The following CCDC102B variants were observed in gnomAD, a reference collection of about 807,000 sequenced individuals.
CCDC102B encodes coiled-coil domain-containing protein 102B.
CCDC102B carries 75 observed loss-of-function variants against 57.4 expected under a neutral mutation model. That is an observed-to-expected ratio of 1.31 (90% confidence interval 1.08 to 1.58). The LOEUF is 1.58. CCDC102B is among the 40% of genes most tolerant of loss of function. The pLI, the probability that CCDC102B is intolerant of heterozygous loss-of-function variation, is 0.00. For missense variants in CCDC102B, 636 were observed against 582.6 expected, an observed-to-expected ratio of 1.09 and a Z score of -0.94; for synonymous variants, 206 against 201.9, an observed-to-expected ratio of 1.02 and a Z score of -0.17.
intron 2 of CCDC102B, among the ~76,000 whole-genome samples, chr18:68,781,179 C>A (rs1317900572): frequency 6.6e-6 from 1 of 151,972 alleles, no homozygotes; most frequent in Non-Finnish European, 1.5e-5. Context: ...CATTACTTAG[C>A]TGATTATGGA....
At chr18:69,008,027 T>C (rs2051399287) in intron 6 of CCDC102B, among the ~76,000 whole-genome samples, 1 of 152,248 alleles carries the variant, frequency 6.6e-6, no homozygotes, top group Admixed American at 6.5e-5. Context: ...CAAGGTCATG[T>C]AATTGTAACT....
chr18:69,050,799 C>T (rs111584235), intron 7 of CCDC102B, among the ~76,000 whole-genome samples: 8,072 of 151,910 alleles, frequency 0.053, 733 homozygotes, highest in African/African-American at 0.18. Flanking sequence ...TTTAAAATAC[C>T]TTATTTCGAT....
chr18:68,738,499 G>A lies in CCDC102B; in HGVS notation c.-67+21905G>A, dbSNP rs751259866. Among the ~76,000 whole-genome samples, 25 of 152,038 alleles carry A rather than the reference G, an allele frequency of 1.6e-4. No homozygotes were observed. The South Asian group carries it at 1.7e-3, about 10-fold the overall frequency. On this transcript the variant is annotated intron_variant, in intron 2 of 3. Coordinates refer to the CCDC102B transcript ENST00000578970. ...GTCCAATATAGACCGTCTGAGAGGT[G>A]CTCTCAGCACTGGTCCCCGATGGTG...
At chr18:68,976,747 A>G (rs535514332) in intron 6 of CCDC102B, among the ~76,000 whole-genome samples, 104 of 152,062 alleles carry the variant, frequency 6.8e-4, no homozygotes, top group African/African-American at 2.5e-3. Context: ...TTGTTACTTT[A>G]GTGTAGTTGA....
rs570492082 is a variant in CCDC102B at position 68,901,753 on chromosome 18, G to A, written c.1263+4325G>A. ...GCCTTTAATTTATTGGAGAGTAGCTGGAAGTCTTTTTCTGAAACTCATGGG... is the reference window on the plus strand; with the variant it reads ...GCCTTTAATTTATTGGAGAGTAGCTAGAAGTCTTTTTCTGAAACTCATGGG... On this transcript the variant is annotated intron_variant, in intron 6 of 7. Transcript: ENST00000360242. Among the ~76,000 whole-genome samples, 5 of 152,150 alleles carry A rather than the reference G, an allele frequency of 3.3e-5. No individual in the cohort carries two copies. The South Asian group carries it at 1.0e-3, about 32-fold the overall frequency.
intron 1 of CCDC102B, among the ~76,000 whole-genome samples, chr18:68,830,754 A>G (rs2037112242): frequency 6.6e-6 from 1 of 151,714 alleles, no homozygotes; most frequent in Admixed American, 6.6e-5. Flanking sequence ...GCAATATTTT[A>G]GAGCAGAGCT....
chr18:68,911,635 C>T (rs571261452), intron 6 of CCDC102B, among the ~76,000 whole-genome samples: 24 of 148,220 alleles, frequency 1.6e-4, no homozygotes, highest in African/African-American at 4.6e-4. Context: ...GCCTGTAGTC[C>T]CAGCTACTCG....
At chr18:68,765,470 A>T (rs990319473) in intron 2 of CCDC102B, among the ~76,000 whole-genome samples, 2 of 151,470 alleles carry the variant, frequency 1.3e-5, no homozygotes, top group East Asian at 4.1e-4. Flanking sequence ...AGAGAGAGAA[A>T]GGAAGGAAGG....
At chr18:68,757,057 G>C (rs1408600549) in intron 2 of CCDC102B, among the ~76,000 whole-genome samples, 1 of 152,054 alleles carries the variant, frequency 6.6e-6, no homozygotes. Context: ...ATCTAAAAAT[G>C]TGCCCCGCCT....
chr18:68,932,858 G>A (rs185021864), intron 6 of CCDC102B, among the ~76,000 whole-genome samples: 2 of 151,768 alleles, frequency 1.3e-5, no homozygotes, highest in Non-Finnish European at 2.9e-5. Flanking sequence ...ATACAGGAAG[G>A]CTTCTCTCTT....
intron 6 of CCDC102B, among the ~76,000 whole-genome samples, chr18:68,903,521 A>G (rs2040522557): frequency 6.6e-6 from 1 of 152,230 alleles, no homozygotes; most frequent in African/African-American, 2.4e-5. Context: ...GATCTATGGC[A>G]TAAATAGTAT....
Position 68,749,867 on chromosome 18 carries a change from T to C in CCDC102B, c.-67+33273T>C, listed in dbSNP as rs189967715. 4.0e-4 allele frequency among the ~76,000 whole-genome samples: 61 copies of C among 152,216 alleles called. No homozygotes were observed. The East Asian group carries it at 0.011, about 27-fold the overall frequency. On this transcript the variant is annotated intron_variant, in intron 2 of 3. Transcript: ENST00000578970. ...GGCAATACCATTCAGGACATAGGCA[T>C]GGGCAAGGACTTCATGTCTAAAACA...
intron 6 of CCDC102B, among the ~76,000 whole-genome samples, chr18:68,923,426 G>T (rs1214727672): frequency 6.6e-6 from 1 of 151,662 alleles, no homozygotes; most frequent in Non-Finnish European, 1.5e-5. Flanking sequence ...TTATTTTACT[G>T]AAATCAATTT....
At chr18:68,848,527 T>C (rs1301048591) in intron 4 of CCDC102B, among the ~76,000 whole-genome samples, 1 of 152,060 alleles carries the variant, frequency 6.6e-6, no homozygotes, top group Non-Finnish European at 1.5e-5. Context: ...GAAATCATTC[T>C]TCAATTACTG....
At chr18:69,032,699 G>C (rs999058177) in intron 7 of CCDC102B, among the ~76,000 whole-genome samples, 4 of 152,072 alleles carry the variant, frequency 2.6e-5, no homozygotes, top group Admixed American at 2.6e-4. Context: ...TGATCTCTGG[G>C]ATGCTGAAGT....
Position 68,897,319 on chromosome 18 carries a change from T to G in CCDC102B, c.1154T>G (p.Ile385Ser). 1 of 1,612,948 alleles carries G rather than the reference T, an allele frequency of 6.2e-7. No homozygotes were observed. Among genetic ancestry groups the G allele is most frequent in the South Asian group, 1.1e-5 (1 of 91,060 alleles). Residue 385 changes from isoleucine to serine, a missense_variant, in exon 6 of 8, where the codon ATC (isoleucine) becomes AGC (serine). Physicochemically the swap from Ile to Ser is moderately radical, Grantham distance 142 (BLOSUM62 -2). Coordinates refer to ENST00000360242, the MANE Select transcript of CCDC102B (RefSeq NM_024781.3). The part of the protein sequence containing the change: ...GLERENRRLK[I>S]QVKEMEELLD... ...GAGAGAGAAAATAGAAGGCTGAAGA[T>G]CCAGGTGAAAGAAATGGAAGAGCTT...
chr18:68,899,687 A>G (rs1238155121), intron 6 of CCDC102B: 1 of 152,162 alleles, frequency 6.6e-6, no homozygotes, highest in African/African-American at 2.4e-5. Context: ...AGAACCCCAC[A>G]TAAATTGTAA....
chr18:68,747,413 G>A (rs1260707588), intron 2 of CCDC102B, among the ~76,000 whole-genome samples: 1 of 152,012 alleles, frequency 6.6e-6, no homozygotes, highest in Non-Finnish European at 1.5e-5. Context: ...TAATTTTAAA[G>A]TGCATAATAT....
chr18:68,858,608 G>A (rs1233965517), intron 4 of CCDC102B, among the ~76,000 whole-genome samples: 1 of 152,094 alleles, frequency 6.6e-6, no homozygotes, highest in African/African-American at 2.4e-5. Context: ...AAGTACTGGA[G>A]GATGTTAGGG....
Sources: gnomAD v4.1 joint callset for allele counts (sites outside exome capture counted in the v4.1 genomes callset) on GRCh38, gnomAD v4.1.1 for gene constraint, MANE v1.5 for transcripts, NCBI Gene and HGNC (gene_info 2026-07-23, HGNC 2026-07-21) for gene names.